Variants in CNBD1 observed in about 807,000 individuals in gnomAD.
CNBD1 encodes cyclic nucleotide binding domain containing 1.
A neutral mutation model predicts 54.4 loss-of-function variants in CNBD1; 71 were observed. The observed-to-expected ratio is 1.30, with a 90% CI of 1.08 to 1.59. The LOEUF (loss-of-function observed/expected upper bound fraction) is 1.59. Ranked by LOEUF, CNBD1 falls within the 40% of genes most tolerant of loss-of-function variation. The probability of loss-of-function intolerance (pLI) is 0.00; values close to 1 mark genes in which losing one functional copy is unlikely to be tolerated. For missense variants in CNBD1, 659 were observed against 518.0 expected (o/e 1.27, Z -2.64); for synonymous variants, 182 against 170.7 (o/e 1.07, Z -0.51).
At chr8:87,204,683 A>G (rs1228192416) in intron 4 of CNBD1, among the ~76,000 whole-genome samples, 2 of 152,164 alleles carry the variant, frequency 1.3e-5, no homozygotes, top group African/African-American at 2.4e-5. Flanking sequence ...CTGCCTTACA[A>G]ATGATTGCAG....
chr8:86,960,988 A>G (rs1256612283), intron 4 of CNBD1, among the ~76,000 whole-genome samples: 4 of 152,240 alleles, frequency 2.6e-5, no homozygotes, highest in African/African-American at 4.8e-5. Context: ...TTATGACCTT[A>G]AAGCCTTTCA....
intron 2 of CNBD1, among the ~76,000 whole-genome samples, chr8:87,402,470 G>T (rs1185825866): frequency 1.3e-5 from 2 of 152,008 alleles, no homozygotes; most frequent in African/African-American, 2.4e-5. Context: ...TAATAATTTG[G>T]GTTAGGCAAT....
chr8:87,295,686 C>T (rs765700622), intron 8 of CNBD1, among the ~76,000 whole-genome samples: 54 of 152,058 alleles, frequency 3.6e-4, no homozygotes, highest in Non-Finnish European at 2.9e-4. Context: ...ACAACATAAA[C>T]TATATTTCCT....
chr8:87,145,715 A>C (rs940325836), intron 4 of CNBD1, among the ~76,000 whole-genome samples: 3 of 152,196 alleles, frequency 2.0e-5, no homozygotes, highest in Non-Finnish European at 4.4e-5. Context: ...TGTTAAACCA[A>C]AATATTAACA....
At chr8:87,386,274 A>G (rs1811185229), downstream of CNBD1, among the ~76,000 whole-genome samples, 2 of 152,238 alleles carry the variant, frequency 1.3e-5, no homozygotes, top group Non-Finnish European at 2.9e-5. Flanking sequence ...AATGACTTTA[A>G]CGAGTTGAGA....
At chr8:86,963,142 T>C (rs1807976147) in intron 4 of CNBD1, among the ~76,000 whole-genome samples, 1 of 152,174 alleles carries the variant, frequency 6.6e-6, no homozygotes, top group African/African-American at 2.4e-5. Context: ...CTTATATCCC[T>C]GAGTTCCGGT....
At chr8:86,873,409 G>GT (rs200928070) in intron 1 of CNBD1, among the ~76,000 whole-genome samples, 356 of 151,464 alleles carry the variant, frequency 2.4e-3, no homozygotes, top group African/African-American at 8.2e-3. Context: ...CCAAGACCCT[G>GT]TTTTTTTTAA....
intron 10 of CNBD1, among the ~76,000 whole-genome samples, chr8:87,372,666 A>G (rs1810837765): frequency 6.6e-6 from 1 of 151,876 alleles, no homozygotes; most frequent in Non-Finnish European, 1.5e-5. Flanking sequence ...TTGTCCACAA[A>G]TAAGTGGCCT....
intron 6 of CNBD1, among the ~76,000 whole-genome samples, chr8:87,250,613 T>A (rs1807896071): frequency 6.6e-6 from 1 of 152,208 alleles, no homozygotes; most frequent in Non-Finnish European, 1.5e-5. Context: ...AAATGTGGTA[T>A]ATGTACATAA....
At chr8:86,870,290 G>A (rs533131653) in intron 1 of CNBD1, among the ~76,000 whole-genome samples, 1 of 148,254 alleles carries the variant, frequency 6.7e-6, no homozygotes, top group South Asian at 2.1e-4. Flanking sequence ...CTGAGTTCAC[G>A]CCATTCTCCT....
intron 6 of CNBD1, among the ~76,000 whole-genome samples, chr8:87,274,292 G>T (rs7831061): frequency 0.26 from 37,153 of 143,582 alleles, 5,147 homozygotes; most frequent in African/African-American, 0.36. Context: ...ACCCAGTAAT[G>T]GGATGGCTGG....
rs559815513 is a variant in CNBD1 at position 86,870,124 on chromosome 8, G to GA, written c.88+3551dup. Among the ~76,000 whole-genome samples, 16 of 127,722 alleles carry GA rather than the reference G, an allele frequency of 1.3e-4. 1 individual carries two copies. The highest frequency in any genetic ancestry group is 4.4e-3 in the Middle Eastern group (1 of 228). 83.8% of individuals were successfully genotyped at this position (127,722 alleles called of 152,430 possible). ...TTCATTTATTCCAACATATGAGTTG[G>GA]AAAAAAAAAAGCATTCAAGATAAGA... On this transcript the variant is annotated intron_variant, in intron 1 of 10. Coordinates refer to ENST00000518476, the MANE Select transcript of CNBD1 (RefSeq NM_173538.3).
chr8:86,957,617 G>A (rs1037547906), intron 4 of CNBD1, among the ~76,000 whole-genome samples: 1 of 151,958 alleles, frequency 6.6e-6, no homozygotes, highest in African/African-American at 2.4e-5. Context: ...TTATTTGCAT[G>A]GAGGTGTTTA....
At chr8:87,119,772 TGA>T in intron 4 of CNBD1, among the ~76,000 whole-genome samples, 1 of 152,268 alleles carries the variant, frequency 6.6e-6, no homozygotes, top group East Asian at 1.9e-4. Context: ...TCTAGTTTGT[TGA>T]GAGTTTTTAT....
At chr8:87,231,606 A>G (rs1405541428) in intron 5 of CNBD1, among the ~76,000 whole-genome samples, 1 of 151,570 alleles carries the variant, frequency 6.6e-6, no homozygotes, top group East Asian at 1.9e-4. Flanking sequence ...AAGTCAAACA[A>G]TATTTGCTGT....
At chr8:87,297,719 G>GTA (rs927136854) in intron 8 of CNBD1, among the ~76,000 whole-genome samples, 6 of 151,854 alleles carry the variant, frequency 4.0e-5, no homozygotes, top group African/African-American at 1.5e-4. Flanking sequence ...GTGTGTGTGT[G>GTA]TGATTATCTC....
At chr8:86,974,882 A>G (rs576700679) in intron 4 of CNBD1, among the ~76,000 whole-genome samples, 1 of 152,032 alleles carries the variant, frequency 6.6e-6, no homozygotes, top group Non-Finnish European at 1.5e-5. Context: ...TATCTTTTAC[A>G]TATCATATAG....
intron 4 of CNBD1, among the ~76,000 whole-genome samples, chr8:87,090,752 T>C (rs1255838205): frequency 1.3e-5 from 2 of 152,230 alleles, no homozygotes; most frequent in Admixed American, 6.5e-5. Context: ...TTTTTAAAAA[T>C]AGTTAAATGG....
chr8:86,918,243 T>C (rs1383750255), intron 3 of CNBD1, among the ~76,000 whole-genome samples: 1 of 152,130 alleles, frequency 6.6e-6, no homozygotes, highest in Admixed American at 6.5e-5. Context: ...AAAAAATTTG[T>C]AAACATGCTT....
Sources: allele counts gnomAD v4.1 joint callset (sites outside exome capture counted in the v4.1 genomes callset), GRCh38; gene constraint gnomAD v4.1.1; transcripts MANE v1.5; gene names NCBI Gene and HGNC (gene_info 2026-07-23, HGNC 2026-07-21).